The following RNGTT variants were observed in gnomAD, a reference collection of about 807,000 sequenced individuals.
The protein encoded by RNGTT is RNA guanylyltransferase and 5'-phosphatase.
In RNGTT, 33 loss-of-function variants were observed where a neutral mutation model predicts 79.3. The ratio of observed to expected loss-of-function variants is 0.42; its 90% CI spans 0.32 to 0.56. The LOEUF (loss-of-function observed/expected upper bound fraction) is 0.56, where lower values mean the gene tolerates loss of function less well. Among genes scored for constraint, RNGTT ranks in the 20% least tolerant of loss-of-function variants. RNGTT has a pLI of 0.17. For synonymous variants in RNGTT, 222 were observed against 235.9 expected, an observed-to-expected ratio of 0.94 and a Z score of 0.54; for missense variants, 497 against 739.1, an observed-to-expected ratio of 0.67 and a Z score of 3.80.
At chr6:88,827,524 GAACACCAGC>G (rs544549177) in intron 11 of RNGTT, among the ~76,000 whole-genome samples, 61 of 152,262 alleles carry the variant, frequency 4.0e-4, no homozygotes, top group African/African-American at 1.5e-3. Context: ...GAGGCACCTG[GAACACCAGC>G]AAGACAGAAC....
At chr6:88,865,076 G>A (rs1255562689) in intron 8 of RNGTT, among the ~76,000 whole-genome samples, 1 of 152,006 alleles carries the variant, frequency 6.6e-6, no homozygotes. Flanking sequence ...TGGTTAAAAT[G>A]TAAATTTTAT....
intron 1 of RNGTT, among the ~76,000 whole-genome samples, chr6:88,960,048 C>T (rs1785565383): frequency 6.6e-6 from 1 of 152,130 alleles, no homozygotes; most frequent in South Asian, 2.1e-4. Flanking sequence ...TTCTTCCTTC[C>T]CATCTCTTCT....
At chr6:88,876,255 A>G (rs1426943237) in intron 8 of RNGTT, among the ~76,000 whole-genome samples, 3 of 152,214 alleles carry the variant, frequency 2.0e-5, no homozygotes, top group East Asian at 3.9e-4. Context: ...ATGCCTGAGT[A>G]TTGTGGCTCA....
At chr6:88,885,730 A>G in intron 8 of RNGTT, among the ~76,000 whole-genome samples, 1 of 152,272 alleles carries the variant, frequency 6.6e-6, no homozygotes, top group East Asian at 1.9e-4. Context: ...ATCAATAAAT[A>G]AAGTACAAAC....
At chr6:88,809,045 GA>G (rs750974529) in intron 11 of RNGTT, among the ~76,000 whole-genome samples, 15 of 151,954 alleles carry the variant, frequency 9.9e-5, no homozygotes, top group Non-Finnish European at 1.6e-4. Context: ...TACAGAGATG[GA>G]AAAAGATGTC....
chr6:88,693,447 C>T (rs1775552602), intron 13 of RNGTT, among the ~76,000 whole-genome samples: 1 of 152,006 alleles, frequency 6.6e-6, no homozygotes, highest in Admixed American at 6.6e-5. Flanking sequence ...AAACCAATTA[C>T]AAGTAAGGAG....
chr6:88,743,005 A>T (rs1777545157), intron 13 of RNGTT, among the ~76,000 whole-genome samples: 1 of 152,222 alleles, frequency 6.6e-6, no homozygotes, highest in African/African-American at 2.4e-5. Flanking sequence ...GGCTAGTCCT[A>T]CAATTTCCAA....
intron 2 of RNGTT, among the ~76,000 whole-genome samples, 183 bp from the exon 3 acceptor site, chr6:88,929,450 A>C (rs1784418135): frequency 2.0e-5 from 3 of 152,178 alleles, no homozygotes; most frequent in Admixed American, 6.5e-5. Flanking sequence ...AGACACTAAA[A>C]CTAAGCAGGC....
chr6:88,698,270 AT>A (rs1775812378), intron 13 of RNGTT, among the ~76,000 whole-genome samples: 1 of 84,906 alleles, frequency 1.2e-5, no homozygotes, highest in Non-Finnish European at 2.0e-5. Context: ...AATATATATG[AT>A]ATATATATTT....
At chr6:88,841,133 A>C (rs991536446) in intron 11 of RNGTT, among the ~76,000 whole-genome samples, 1 of 152,170 alleles carries the variant, frequency 6.6e-6, no homozygotes, top group Non-Finnish European at 1.5e-5. Flanking sequence ...ATCTTTACCC[A>C]ACCTATTGGA....
chr6:88,904,440 C>A (rs770622712), intron 6 of RNGTT, among the ~76,000 whole-genome samples: 12 of 151,898 alleles, frequency 7.9e-5, no homozygotes, highest in Non-Finnish European at 1.6e-4. Flanking sequence ...ATTAGCCAGT[C>A]GTGTTGGCAC....
chr6:88,845,359 TG>T (rs1781450741), intron 10 of RNGTT, among the ~76,000 whole-genome samples: 1 of 152,226 alleles, frequency 6.6e-6, no homozygotes, highest in African/African-American at 2.4e-5. Context: ...AAAGCATATA[TG>T]GTTTGAACTG....
At position 88,696,942 on chromosome 6, in the gene RNGTT, T is replaced by C. The variant is rs77548021; in HGVS notation, c.1440-18523A>G. Among the ~76,000 whole-genome samples, 380 of 152,318 alleles carry C rather than the reference T, an allele frequency of 2.5e-3. 10 individuals are homozygous for C. In the East Asian group the frequency reaches 0.051, roughly 20 times the overall value. ...AATCAATTTTTTTCAGTCTAAATTA[T>C]AGTACTATGTCACATGTTACCAGCT... is the stretch of plus-strand genomic sequence containing the variant. On this transcript the variant is annotated intron_variant, in intron 13 of 15. Coordinates refer to ENST00000369485, the MANE Select transcript of RNGTT (RefSeq NM_003800.5).
chr6:88,639,571 TC>T (rs1332946893), intron 14 of RNGTT, among the ~76,000 whole-genome samples: 2 of 152,196 alleles, frequency 1.3e-5, no homozygotes, highest in Non-Finnish European at 2.9e-5. Flanking sequence ...AGAAATTGGC[TC>T]ATACTTCCCT....
At chr6:88,682,401 TCTA>T (rs1775123699) in intron 13 of RNGTT, among the ~76,000 whole-genome samples, 1 of 152,240 alleles carries the variant, frequency 6.6e-6, no homozygotes, top group African/African-American at 2.4e-5. Context: ...ATCCAATACA[TCTA>T]CTATTAGAAA....
intron 13 of RNGTT, among the ~76,000 whole-genome samples, chr6:88,698,248 A>AAT (rs531664825): frequency 0.04 from 3,355 of 84,190 alleles, 430 homozygotes; most frequent in African/African-American, 0.12. Flanking sequence ...ATATATATGA[A>AAT]ATATATATAT....
At chr6:88,908,361 T>C (rs140732953) in intron 4 of RNGTT, among the ~76,000 whole-genome samples, 4 of 152,228 alleles carry the variant, frequency 2.6e-5, no homozygotes, top group Non-Finnish European at 5.9e-5. Flanking sequence ...GCCTCTTCCA[T>C]GAAAAGGAAC....
chr6:88,658,413 C>T (rs1176955161), intron 14 of RNGTT, among the ~76,000 whole-genome samples: 2 of 152,228 alleles, frequency 1.3e-5, no homozygotes, highest in Admixed American at 1.3e-4. Context: ...AGATGGTTCA[C>T]ATCACAGGAC....
At chr6:88,870,276 T>C (rs1207428146) in intron 8 of RNGTT, among the ~76,000 whole-genome samples, 1 of 152,028 alleles carries the variant, frequency 6.6e-6, no homozygotes, top group East Asian at 1.9e-4. Context: ...CAAATGTAGT[T>C]CCTCCAGAAA....
Sources: allele counts gnomAD v4.1 joint callset (sites outside exome capture counted in the v4.1 genomes callset), GRCh38; gene constraint gnomAD v4.1.1; transcripts MANE v1.5; gene names NCBI Gene and HGNC (gene_info 2026-07-23, HGNC 2026-07-21).